Variants in CSMD1 observed in about 807,000 individuals in gnomAD.
The protein encoded by CSMD1 is CUB and sushi domain-containing protein 1.
Under a neutral mutation model 417.5 loss-of-function variants are expected in CSMD1, and 213 were observed. The ratio of observed to expected loss-of-function variants is 0.51; its 90% CI spans 0.46 to 0.57. The LOEUF (loss-of-function observed/expected upper bound fraction) is 0.57. Among genes scored for constraint, CSMD1 ranks in the 20% least tolerant of loss-of-function variants. CSMD1 has a pLI of 0.00. For missense variants in CSMD1, 6,923 were observed against 4,529.7 expected (o/e 1.53, Z -15.17); for synonymous variants, 2,862 against 1,736.8 (o/e 1.65, Z -16.11).
At chr8:4,170,207 G>C (rs112688296) in intron 3 of CSMD1, among the ~76,000 whole-genome samples, 33 of 151,912 alleles carry the variant, frequency 2.2e-4, no homozygotes, top group African/African-American at 7.8e-4. Flanking sequence ...TCTCTCTGCA[G>C]AACTAGCTGT....
intron 2 of CSMD1, among the ~76,000 whole-genome samples, chr8:4,604,732 T>A (rs1402282844): frequency 2.0e-5 from 3 of 152,158 alleles, no homozygotes; most frequent in African/African-American, 7.2e-5. Flanking sequence ...ATGGTAACAT[T>A]TATGCACAAA....
chr8:3,380,631 A>G (rs1049273165), intron 18 of CSMD1, among the ~76,000 whole-genome samples: 12 of 152,154 alleles, frequency 7.9e-5, no homozygotes, highest in African/African-American at 2.4e-4. Flanking sequence ...CGGTAGACTA[A>G]CATAGGAATA....
At chr8:3,876,705 G>A (rs1805848881) in intron 5 of CSMD1, among the ~76,000 whole-genome samples, 2 of 152,192 alleles carry the variant, frequency 1.3e-5, no homozygotes, top group South Asian at 4.1e-4. Context: ...GACTTCCCAG[G>A]CTCAAGCAAT....
At chr8:3,700,410 G>A (rs775878904) in intron 7 of CSMD1, 1 of 152,144 alleles carries the variant, frequency 6.6e-6, no homozygotes, top group Non-Finnish European at 1.5e-5. Context: ...ACACGTATAT[G>A]TATATGTAAT....
At chr8:4,029,349 G>C (rs1019573033) in intron 4 of CSMD1, among the ~76,000 whole-genome samples, 2 of 152,156 alleles carry the variant, frequency 1.3e-5, no homozygotes, top group East Asian at 1.9e-4. Flanking sequence ...ACAAAAGAGA[G>C]GTTTGATGGA....
chr8:4,375,245 A>C (rs184370411), intron 3 of CSMD1, among the ~76,000 whole-genome samples: 2 of 152,278 alleles, frequency 1.3e-5, no homozygotes, highest in East Asian at 3.9e-4. Flanking sequence ...AGAATACATA[A>C]AACATGCAGT....
chr8:3,403,834 A>G (rs1449583126), intron 15 of CSMD1, among the ~76,000 whole-genome samples: 2 of 152,242 alleles, frequency 1.3e-5, no homozygotes, highest in African/African-American at 2.4e-5. Flanking sequence ...TTTATAAAAG[A>G]TGAAAACCTA....
At chr8:4,254,652 C>T (rs1803323701) in intron 3 of CSMD1, among the ~76,000 whole-genome samples, 1 of 152,144 alleles carries the variant, frequency 6.6e-6, no homozygotes, top group Non-Finnish European at 1.5e-5. Context: ...GTGGTAACTG[C>T]CGTAGACAGG....
intron 3 of CSMD1, among the ~76,000 whole-genome samples, chr8:4,235,764 C>G (rs1453643084): frequency 1.3e-5 from 2 of 152,174 alleles, no homozygotes; most frequent in African/African-American, 4.8e-5. Flanking sequence ...TGTCCCCCAT[C>G]TGGACCCCTA....
At chr8:3,834,992 G>C (rs887012521) in intron 5 of CSMD1, among the ~76,000 whole-genome samples, 4 of 152,112 alleles carry the variant, frequency 2.6e-5, no homozygotes, top group African/African-American at 7.2e-5. Context: ...GGCCATCAGA[G>C]AAATGCAAGT....
At chr8:4,278,890 G>T (rs1018547784) in intron 3 of CSMD1, among the ~76,000 whole-genome samples, 7 of 152,176 alleles carry the variant, frequency 4.6e-5, no homozygotes, top group African/African-American at 1.7e-4. Context: ...AAGGGAGACT[G>T]CTAGGATAAC....
At chr8:4,604,269 G>A (rs1238098488) in intron 2 of CSMD1, among the ~76,000 whole-genome samples, 2 of 151,228 alleles carry the variant, frequency 1.3e-5, no homozygotes, top group African/African-American at 2.4e-5. Context: ...ACAAATAAAG[G>A]TACAATAGAT....
chr8:4,669,097 C>T (rs1805129516), intron 1 of CSMD1, among the ~76,000 whole-genome samples: 1 of 152,162 alleles, frequency 6.6e-6, no homozygotes, highest in Non-Finnish European at 1.5e-5. Context: ...TAAAGCTTTA[C>T]TTCAGCTTTA....
intron 10 of CSMD1, among the ~76,000 whole-genome samples, chr8:3,522,210 T>G (rs1405580698): frequency 6.6e-6 from 1 of 152,214 alleles, no homozygotes; most frequent in East Asian, 1.9e-4. Context: ...AATTTTTTAT[T>G]ATTTTATCTT....
In CSMD1 at chr8:4,399,590, G is replaced by C. The variant is rs527275563; in HGVS notation, c.415+20363C>G. ...CTTTTTTGTCTTTATACCACCCCTG[G>C]ATCTTGCCATATTTGTAGTTGTAAC... is the stretch of plus-strand genomic sequence containing the variant. On this transcript the variant is annotated intron_variant, in intron 3 of 69. Coordinates refer to ENST00000635120, the MANE Select transcript of CSMD1 (RefSeq NM_033225.6). Among the ~76,000 whole-genome samples the C allele has an allele frequency of 1.9e-3, 289 of 151,800 alleles. 1 individual carries two copies. The highest frequency in any genetic ancestry group is 6.7e-3 in the African/African-American group (278 of 41,368).
At chr8:3,262,188 T>TATAC (rs1563199378) in intron 26 of CSMD1, among the ~76,000 whole-genome samples, 821 of 36,842 alleles carry the variant, frequency 0.022, 37 homozygotes, top group African/African-American at 0.076. Context: ...CATATGAATA[T>TATAC]ATATATATAT....
intron 5 of CSMD1, among the ~76,000 whole-genome samples, chr8:3,952,589 G>C (rs906165034): frequency 1.3e-5 from 2 of 152,148 alleles, no homozygotes; most frequent in Non-Finnish European, 2.9e-5. Context: ...CAGTCACCAA[G>C]AGACAGGGAG....
intron 3 of CSMD1, among the ~76,000 whole-genome samples, chr8:4,220,475 T>C (rs1384158201): frequency 6.6e-6 from 1 of 152,206 alleles, no homozygotes; most frequent in Non-Finnish European, 1.5e-5. Context: ...CATGCATTAA[T>C]TTTAAAACAT....
intron 5 of CSMD1, among the ~76,000 whole-genome samples, chr8:3,897,981 GA>G (rs1253263894): frequency 6.6e-6 from 1 of 152,188 alleles, no homozygotes; most frequent in African/African-American, 2.4e-5. Flanking sequence ...TCTAGTCACG[GA>G]GAACTGGAGA....
Sources: allele counts gnomAD v4.1 joint callset (sites outside exome capture counted in the v4.1 genomes callset), GRCh38; gene constraint gnomAD v4.1.1; transcripts MANE v1.5; gene names NCBI Gene and HGNC (gene_info 2026-07-23, HGNC 2026-07-21).